ARHGAP42: variants seen among roughly 807,000 people sequenced by gnomAD.
The protein encoded by ARHGAP42 is Rho GTPase activating protein 42.
ARHGAP42 carries 63 observed loss-of-function variants against 125.0 expected under a neutral mutation model. The ratio of observed to expected loss-of-function variants is 0.50; its 90% CI spans 0.41 to 0.62. The LOEUF is 0.62. ARHGAP42 is among the 20% of genes least tolerant of loss of function. The pLI is 0.00. For synonymous variants in ARHGAP42, 339 were observed against 351.0 expected, an observed-to-expected ratio of 0.97 and a Z score of 0.38; for missense variants, 766 against 1,024.2, an observed-to-expected ratio of 0.75 and a Z score of 3.44.
chr11:100,976,792 A>G, intron 20 of ARHGAP42, 23 bp from the exon 21 acceptor site: 2 of 1,548,452 alleles, frequency 1.3e-6, no homozygotes, highest in Non-Finnish European at 1.7e-6. Flanking sequence ...CACCTTGCCT[A>G]TTTTCTTGGG....
intron 8 of ARHGAP42, among the ~76,000 whole-genome samples, chr11:100,939,018 G>A (rs1373958895): frequency 6.6e-6 from 1 of 152,182 alleles, no homozygotes; most frequent in Non-Finnish European, 1.5e-5. Context: ...TAAATTGTGT[G>A]ATAAATGGAG....
intron 8 of ARHGAP42, among the ~76,000 whole-genome samples, chr11:100,939,256 T>C (rs472066): frequency 0.87 from 132,681 of 151,718 alleles, 58,109 homozygotes; most frequent in East Asian, 1. Flanking sequence ...AGTCTTGCCT[T>C]ATTTATAAAA....
In ARHGAP42 at chr11:100,836,730, C is replaced by CTT. The variant is rs200596327; in HGVS notation, c.313-22811_313-22810dup. On this transcript the variant is annotated intron_variant, in intron 3 of 23. Transcript: ENST00000298815. ...TTTGTTTTTTTTTTGTTGTTGTTTT[C>CTT]TTTTTTTTTTTTTTGGTTAACTAAA... 2.2e-3 allele frequency among the ~76,000 whole-genome samples: 265 copies of CTT among 123,222 alleles called. 1 individual carries two copies. The highest frequency in any genetic ancestry group is 0.01 in the Middle Eastern group (2 of 200). The allele number at this position is 123,222 out of a possible 152,430, so 80.8% of individuals were successfully genotyped here. A position where few individuals can be genotyped will look rare whatever the true frequency, so the allele number is the denominator to read the frequency against.
intron 3 of ARHGAP42, among the ~76,000 whole-genome samples, chr11:100,824,648 G>C (rs1864474720): frequency 6.6e-6 from 1 of 152,132 alleles, no homozygotes; most frequent in Non-Finnish European, 1.5e-5. Context: ...CTCTAGCGGA[G>C]ACTCTTCTCC....
chr11:100,727,057 A>T (rs1184469878), intron 1 of ARHGAP42, among the ~76,000 whole-genome samples: 1 of 152,176 alleles, frequency 6.6e-6, no homozygotes, highest in Non-Finnish European at 1.5e-5. Context: ...CGTGAAAATC[A>T]CCTGCTGTCA....
At chr11:100,977,495 G>A (rs1790671232) in intron 21 of ARHGAP42, among the ~76,000 whole-genome samples, 1 of 152,200 alleles carries the variant, frequency 6.6e-6, no homozygotes, top group African/African-American at 2.4e-5. Flanking sequence ...AGGAAATGAT[G>A]CAGAACTGTA....
At chr11:100,955,767 A>G (rs926284505) in intron 12 of ARHGAP42, among the ~76,000 whole-genome samples, 2 of 151,608 alleles carry the variant, frequency 1.3e-5, no homozygotes, top group Admixed American at 1.3e-4. Flanking sequence ...AACCCTTTCC[A>G]TCGACATTTG....
At position 100,973,227 on chromosome 11, in the gene ARHGAP42, A is replaced by T; in HGVS notation, c.1603A>T (p.Ile535Leu). 6.4e-7 allele frequency: 1 copy of T among 1,551,150 alleles called. No homozygotes were observed. Among genetic ancestry groups the T allele is most frequent in the Non-Finnish European group, 8.7e-7 (1 of 1,146,660 alleles). Reference protein sequence around the residue: ...NLMTVSNLGVIFGPTLMRAQE... With the variant: ...NLMTVSNLGVLFGPTLMRAQE... ...CATGACTGTCTCAAATCTTGGTGTC[A>T]TATTTGGCCCAACTCTAATGAGAGC... The change falls in exon 18 of 24, where the codon ATA (isoleucine) becomes TTA (leucine). Residue 535 changes from isoleucine to leucine, a missense_variant. Coordinates refer to ENST00000298815, the MANE Select transcript of ARHGAP42 (RefSeq NM_152432.4).
At chr11:100,698,287 C>T (rs80228854) in intron 1 of ARHGAP42, among the ~76,000 whole-genome samples, 12,832 of 152,102 alleles carry the variant, frequency 0.084, 595 homozygotes, top group Non-Finnish European at 0.097. Context: ...GTCTGGACAA[C>T]ACAGTGAGAC....
chr11:100,806,321 G>A (rs1354121391), intron 3 of ARHGAP42, among the ~76,000 whole-genome samples: 8 of 152,020 alleles, frequency 5.3e-5, no homozygotes, highest in East Asian at 1.9e-4. Flanking sequence ...TATTTTTGCC[G>A]TACATCTTTG....
chr11:100,814,716 C>G (rs1265183546), intron 3 of ARHGAP42, among the ~76,000 whole-genome samples: 1 of 152,152 alleles, frequency 6.6e-6, no homozygotes, highest in Non-Finnish European at 1.5e-5. Flanking sequence ...AATCATATCT[C>G]ATGAGAACTC....
intron 2 of ARHGAP42, among the ~76,000 whole-genome samples, chr11:100,770,941 A>G (rs968823670): frequency 2.0e-5 from 3 of 152,134 alleles, no homozygotes; most frequent in African/African-American, 4.8e-5. Flanking sequence ...TGTTGTTTCC[A>G]TAAGGAAATG....
chr11:100,908,688 T>C (rs1866822872), intron 4 of ARHGAP42, among the ~76,000 whole-genome samples: 1 of 152,238 alleles, frequency 6.6e-6, no homozygotes, highest in Admixed American at 6.5e-5. Context: ...CTATTGTGAA[T>C]GCTGCTGTGA....
intron 7 of ARHGAP42, among the ~76,000 whole-genome samples, chr11:100,934,028 C>T (rs1331419720): frequency 2.0e-5 from 3 of 152,152 alleles, no homozygotes; most frequent in Non-Finnish European, 4.4e-5. Context: ...CTCAGGTGAT[C>T]CACCCGCCAC....
chr11:100,700,416 A>G (rs368908256), intron 1 of ARHGAP42, among the ~76,000 whole-genome samples: 77 of 152,348 alleles, frequency 5.1e-4, no homozygotes, highest in African/African-American at 1.8e-3. Context: ...CTCTTCTTGC[A>G]CAAAAGATTT....
At chr11:100,909,448 G>T (rs538486292) in intron 4 of ARHGAP42, among the ~76,000 whole-genome samples, 1 of 151,146 alleles carries the variant, frequency 6.6e-6, no homozygotes, top group African/African-American at 2.4e-5. Context: ...GGGTTCAAGC[G>T]ATTCTCCTGC....
intron 1 of ARHGAP42, among the ~76,000 whole-genome samples, chr11:100,759,883 A>G (rs61892353): frequency 0.049 from 7,478 of 152,312 alleles, 271 homozygotes; most frequent in Middle Eastern, 0.12. Context: ...GGAAGACACA[A>G]TAAGAGGGTC....
At chr11:100,884,020 A>G (rs1469595360) in intron 4 of ARHGAP42, among the ~76,000 whole-genome samples, 1 of 152,228 alleles carries the variant, frequency 6.6e-6, no homozygotes, top group Non-Finnish European at 1.5e-5. Flanking sequence ...TCATTTTATG[A>G]GTCATGCTAC....
At chr11:100,954,630 C>G (rs937089292) in intron 12 of ARHGAP42, among the ~76,000 whole-genome samples, 1 of 152,086 alleles carries the variant, frequency 6.6e-6, no homozygotes, top group South Asian at 2.1e-4. Context: ...TCTCAGATGT[C>G]CCTAGGTTAT....
Sources: gnomAD v4.1 joint callset for allele counts (sites outside exome capture counted in the v4.1 genomes callset) on GRCh38, gnomAD v4.1.1 for gene constraint, MANE v1.5 for transcripts, NCBI Gene and HGNC (gene_info 2026-07-23, HGNC 2026-07-21) for gene names.